The following PAWR variants were observed in gnomAD, a reference collection of about 807,000 sequenced individuals.
PAWR encodes the protein pro-apoptotic WT1 regulator.
A neutral mutation model predicts 32.0 loss-of-function variants in PAWR; 23 were observed. The observed-to-expected ratio is 0.72, with a 90% CI of 0.52 to 1.02. The LOEUF is 1.02. PAWR is among the 50% of genes least tolerant of loss of function. The probability of loss-of-function intolerance (pLI) is 0.00; values close to 1 mark genes in which losing one functional copy is unlikely to be tolerated. For missense variants in PAWR, 457 were observed against 437.7 expected (o/e 1.04, Z -0.39); for synonymous variants, 226 against 187.1 (o/e 1.21, Z -1.70).
At chr12:79,647,173 CAAAA>C (rs11319978) in intron 2 of PAWR, among the ~76,000 whole-genome samples, 1 of 82,410 alleles carries the variant, frequency 1.2e-5, no homozygotes, top group Non-Finnish European at 3.2e-5. Flanking sequence ...GACTCCATTT[CAAAA>C]AAAAAAAAAA....
At chr12:79,613,543 CT>C in intron 4 of PAWR, 31 bp downstream of exon 4, 2 of 1,261,364 alleles carry the variant, frequency 1.6e-6, no homozygotes, top group Non-Finnish European at 2.3e-6. Context: ...ACATTCATGT[CT>C]ACAATATGTT....
At chr12:79,640,955 T>C (rs1592524207) in intron 2 of PAWR, among the ~76,000 whole-genome samples, 2 of 152,168 alleles carry the variant, frequency 1.3e-5, no homozygotes, top group East Asian at 1.9e-4. Flanking sequence ...AATAACTAAA[T>C]TGTATATTCT....
chr12:79,626,579 C>CTT (rs60708482), intron 2 of PAWR, among the ~76,000 whole-genome samples: 2 of 144,788 alleles, frequency 1.4e-5, no homozygotes, highest in African/African-American at 5.0e-5. Flanking sequence ...TTTTTTTTTC[C>CTT]TTTTTTTTTT....
chr12:79,663,948 C>T (rs1174220622), intron 2 of PAWR, among the ~76,000 whole-genome samples: 2 of 152,092 alleles, frequency 1.3e-5, no homozygotes, highest in Non-Finnish European at 2.9e-5. Flanking sequence ...ATAAATCCAA[C>T]TACAAAGTAT....
At chr12:79,610,486 G>A (rs71463825) in intron 4 of PAWR, among the ~76,000 whole-genome samples, 3 of 152,000 alleles carry the variant, frequency 2.0e-5, no homozygotes, top group Non-Finnish European at 2.9e-5. Context: ...CAGAAATTAC[G>A]GGTTACCAAA....
intron 4 of PAWR, among the ~76,000 whole-genome samples, chr12:79,609,563 C>A (rs1322581421): frequency 6.6e-6 from 1 of 152,054 alleles, no homozygotes. Context: ...GCTCTGCCAC[C>A]ACAGAGAGGA....
chr12:79,605,826 C>A (rs983876221), intron 4 of PAWR, among the ~76,000 whole-genome samples: 4 of 152,148 alleles, frequency 2.6e-5, no homozygotes, highest in African/African-American at 9.7e-5. Flanking sequence ...GTAATCCCAG[C>A]ACTTTGGGAG....
chr12:79,636,189 T>G lies in PAWR; in HGVS notation c.517-14982A>C, dbSNP rs552282189. 2.6e-5 allele frequency among the ~76,000 whole-genome samples: 4 copies of G among 152,240 alleles called. No homozygotes were observed. In the East Asian group the frequency reaches 7.7e-4, roughly 29 times the overall value. The stretch of plus-strand genomic sequence containing the variant: ...CAGCTCAAAGATTTTAATATAGAAA[T>G]TTAATAAGTTCATAGACTAAATAAC... On this transcript the variant is annotated intron_variant, in intron 2 of 6. Coordinates refer to ENST00000328827, the MANE Select transcript of PAWR (RefSeq NM_002583.4).
At chr12:79,675,540 A>T (rs933026064) in intron 2 of PAWR, among the ~76,000 whole-genome samples, 1 of 152,210 alleles carries the variant, frequency 6.6e-6, no homozygotes, top group African/African-American at 2.4e-5. Flanking sequence ...AACACCATGG[A>T]ATCCTACACA....
At chr12:79,602,887 C>T (rs1013276990) in intron 4 of PAWR, among the ~76,000 whole-genome samples, 5 of 150,052 alleles carry the variant, frequency 3.3e-5, no homozygotes, top group African/African-American at 1.2e-4. Flanking sequence ...GTGAAGTCAT[C>T]GGAGTGAATG....
chr12:79,690,439 CG>C, intron 1 of PAWR, 48 bp from the exon 2 acceptor site: 1 of 1,204,334 alleles, frequency 8.3e-7, no homozygotes, highest in African/African-American at 1.6e-5. Flanking sequence ...GTAAGATCCC[CG>C]CCCGACCCAA....
At chr12:79,669,322 G>A (rs910799555) in intron 2 of PAWR, among the ~76,000 whole-genome samples, 1 of 152,138 alleles carries the variant, frequency 6.6e-6, no homozygotes, top group African/African-American at 2.4e-5. Flanking sequence ...TCCCTGCATG[G>A]AGGGAATAAG....
rs1182990739 is a variant in PAWR at position 79,652,100 on chromosome 12, A to AG, written c.517-30894dup. Among the ~76,000 whole-genome samples, 3 of 152,296 alleles carry AG rather than the reference A, an allele frequency of 2.0e-5. No individual in the cohort carries two copies. In the South Asian group the frequency reaches 6.2e-4, roughly 32 times the overall value. ...GTTGGCCAGAGGGGGGTGGGAAATTAGGAGTTATTGTTTACTAGATACGTA... is the reference window on the plus strand; with the variant it reads ...GTTGGCCAGAGGGGGGTGGGAAATTAGGGAGTTATTGTTTACTAGATACGTA... On this transcript the variant is annotated intron_variant, in intron 2 of 6. Transcript: ENST00000328827.
At position 79,690,388 on chromosome 12, in the gene PAWR, G is replaced by A. The variant is rs1163991089; in HGVS notation, c.-144C>T. The A allele has an allele frequency of 2.2e-6, 3 of 1,344,160 alleles. No individual in the cohort carries two copies. The highest frequency in any genetic ancestry group is 2.9e-6 in the Non-Finnish European group (3 of 1,052,072). The allele number at this position is 1,344,160 out of a possible 1,614,324, so 83.3% of individuals were successfully genotyped here. A position where few individuals can be genotyped will look rare whatever the true frequency, so the allele number is the denominator to read the frequency against. ...GGCCGCCGCTCCCACAGCAGCCGGC[G>A]GGGCTGAGGTGAAAGACAAAAGGGG... On this transcript the variant is annotated 5_prime_UTR_variant, in exon 2 of 7. Coordinates refer to ENST00000328827, the MANE Select transcript of PAWR (RefSeq NM_002583.4).
chr12:79,624,809 C>T (rs1875199378), intron 2 of PAWR, among the ~76,000 whole-genome samples: 1 of 152,096 alleles, frequency 6.6e-6, no homozygotes, highest in Admixed American at 6.5e-5. Context: ...ATAGATGTAC[C>T]TACCATATTT....
chr12:79,612,067 A>G (rs951170730), intron 4 of PAWR, among the ~76,000 whole-genome samples: 4 of 152,132 alleles, frequency 2.6e-5, no homozygotes, highest in African/African-American at 9.7e-5. Flanking sequence ...AATGCTAAAA[A>G]TTTTTTGGTT....
chr12:79,657,691 G>A (rs1877159737), intron 2 of PAWR, among the ~76,000 whole-genome samples: 1 of 152,072 alleles, frequency 6.6e-6, no homozygotes, highest in African/African-American at 2.4e-5. Context: ...CGACTCGGGA[G>A]GCTGAGGCAG....
At chr12:79,660,541 G>A (rs996026623) in intron 2 of PAWR, among the ~76,000 whole-genome samples, 3 of 151,204 alleles carry the variant, frequency 2.0e-5, no homozygotes, top group African/African-American at 2.4e-5. Context: ...AACTCCAGAC[G>A]TGATATATCT....
At chr12:79,625,799 G>A (rs892161491) in intron 2 of PAWR, among the ~76,000 whole-genome samples, 3 of 135,216 alleles carry the variant, frequency 2.2e-5, no homozygotes, top group Non-Finnish European at 4.8e-5. Flanking sequence ...CAGCCTGGGC[G>A]ACAGAGTGAG....
Sources: gnomAD v4.1 joint callset for allele counts (sites outside exome capture counted in the v4.1 genomes callset) on GRCh38, gnomAD v4.1.1 for gene constraint, MANE v1.5 for transcripts, NCBI Gene and HGNC (gene_info 2026-07-23, HGNC 2026-07-21) for gene names.